Variants in NGDN observed in about 807,000 individuals in gnomAD.
NGDN encodes the protein neuroguidin.
NGDN carries 41 observed loss-of-function variants against 45.2 expected under a neutral mutation model. The ratio of observed to expected loss-of-function variants is 0.91; its 90% CI spans 0.71 to 1.18. The LOEUF (loss-of-function observed/expected upper bound fraction) is 1.18. Ranked by LOEUF, NGDN falls within the 50% of genes most tolerant of loss-of-function variation. The probability of loss-of-function intolerance (pLI) is 0.00; values close to 1 mark genes in which losing one functional copy is unlikely to be tolerated. For missense variants in NGDN, 402 were observed against 399.9 expected, an observed-to-expected ratio of 1.01 and a Z score of -0.05; for synonymous variants, 137 against 130.9, an observed-to-expected ratio of 1.05 and a Z score of -0.32.
At position 23,475,936 on chromosome 14, in the gene NGDN, A is replaced by T. The variant is rs1021749857; in HGVS notation, c.421-93A>T. Reference sequence around the variant, plus strand: ...GAGATTCCCTTTTTTCCCTTTTTATATTCCCACCACCCCAGGGTACTCCAG... The same window carrying T: ...GAGATTCCCTTTTTTCCCTTTTTATTTTCCCACCACCCCAGGGTACTCCAG... On this transcript the variant is annotated intron_variant, in intron 6 of 10. Coordinates refer to ENST00000408901, the MANE Select transcript of NGDN (RefSeq NM_001042635.2). 4.6e-6 allele frequency: 7 copies of T among 1,531,940 alleles called. No homozygotes were observed. In the Admixed American group the frequency reaches 7.4e-5, roughly 16 times the overall value. 94.9% of individuals were successfully genotyped at this position (1,531,940 alleles called of 1,614,324 possible). A position where few individuals can be genotyped will look rare whatever the true frequency, so the allele number is the denominator to read the frequency against.
At chr14:23,473,418 T>C (rs1893829166) in intron 3 of NGDN, among the ~76,000 whole-genome samples, 1 of 152,242 alleles carries the variant, frequency 6.6e-6, no homozygotes, top group Non-Finnish European at 1.5e-5. Context: ...ACTTATCTTT[T>C]TGACCAAAGA....
Position 23,475,232 on chromosome 14 carries a change from A to G in NGDN, c.206A>G (p.His69Arg). Residue 69 changes from histidine to arginine, a missense_variant, in exon 4 of 11, where the codon CAC becomes CGC. Coordinates refer to ENST00000408901, the MANE Select transcript of NGDN (RefSeq NM_001042635.2). ...CTCATGTACCTTATGGATTTGACCC[A>G]CCTCATTCTGGACAAAGCCTCAGGA... ...LLLMYLMDLT[H>R]LILDKASGGS... 6.2e-7 allele frequency: 1 copy of G among 1,614,114 alleles called. No homozygotes were observed. The highest frequency in any genetic ancestry group is 8.5e-7 in the Non-Finnish European group (1 of 1,179,962).
intron 3 of NGDN, among the ~76,000 whole-genome samples, chr14:23,474,363 T>TG (rs1893850444): frequency 6.6e-6 from 1 of 152,170 alleles, no homozygotes; most frequent in African/African-American, 2.4e-5. Context: ...AAGAAAAAAA[T>TG]GAAAAATCAG....
intron 6 of NGDN, 37 bp from the exon 7 acceptor site, chr14:23,475,992 A>G (rs943975045): frequency 2.5e-6 from 4 of 1,613,578 alleles, no homozygotes; most frequent in South Asian, 2.2e-5. Context: ...TATCTCATGA[A>G]TGCTTCCTAA....
chr14:23,478,668 TAGAG>T (rs902921779), downstream of NGDN: 1 of 150,600 alleles, frequency 6.6e-6, no homozygotes, highest in East Asian at 2.0e-4. Flanking sequence ...TAGAAAATAG[TAGAG>T]TGAGTAAGAA....
At position 23,476,142 on chromosome 14, in the gene NGDN, A is replaced by G. The variant is rs758146215; in HGVS notation, c.534A>G (p.Pro178=). 1.9e-6 allele frequency: 3 copies of G among 1,614,204 alleles called. No individual in the cohort carries two copies. The highest frequency in any genetic ancestry group is 1.3e-5 in the African/African-American group (1 of 75,064). ...SKKYVPPRLV[P]VHYDETEAER... The stretch of plus-strand genomic sequence containing the variant: ...AATATGTTCCTCCACGCTTGGTTCC[A>G]GTACATTATGGTATAAACTTTGGCT... The change falls in exon 7 of 11, where the codon CCA becomes CCG. Residue 178 remains proline (P), a synonymous_variant. Coordinates refer to ENST00000408901, the MANE Select transcript of NGDN (RefSeq NM_001042635.2).
intron 4 of NGDN, 53 bp downstream of exon 4, chr14:23,475,361 A>G (rs1595106879): frequency 6.4e-7 from 1 of 1,554,530 alleles, no homozygotes; most frequent in South Asian, 1.2e-5. Flanking sequence ...TTGAGCTCCA[A>G]GGGTATCACA....
chr14:23,477,351 G>A lies in NGDN; in HGVS notation c.865G>A (p.Asp289Asn), dbSNP rs754033883. 1 of 1,614,116 alleles carries A rather than the reference G, an allele frequency of 6.2e-7. No homozygotes were observed. Among genetic ancestry groups the A allele is most frequent in the South Asian group, 1.1e-5 (1 of 91,086 alleles). The change falls in exon 9 of 11, where the codon GAT becomes AAT. Residue 289 changes from aspartate (D) to asparagine (N), a missense_variant. Transcript: ENST00000408901. ...TTTGACAGGGGGAACTGTTCATCTT[G>A]ATGAGGTGAGGTTGAGATATGGTTG... Reference protein sequence around the residue: ...SALTGGTVHLDEDQNPIKKRK... With the variant: ...SALTGGTVHLNEDQNPIKKRK...
rs1893935560 is a variant in NGDN, at chr14:23,477,658, A to G, written c.928+98A>G. On this transcript the variant is annotated intron_variant, in intron 10 of 10. Transcript: ENST00000408901. ...CATTCTGGGTCTCACCAAGCCCTGT[A>G]GTATCTCTTCCATACTGGGCAATAA... The G allele has an allele frequency of 1.9e-6, 3 of 1,578,638 alleles. No individual in the cohort carries two copies. The East Asian group carries it at 6.9e-5, about 36-fold the overall frequency.
intron 6 of NGDN, 123 bp from the exon 7 acceptor site, chr14:23,475,906 A>T: frequency 6.8e-7 from 1 of 1,466,256 alleles, no homozygotes; most frequent in Non-Finnish European, 9.4e-7. Flanking sequence ...TAGAATGCTG[A>T]GTTTGAGATT....
Position 23,475,254 on chromosome 14 carries a change from A to G in NGDN, c.228A>G (p.Ser76=). The change falls in exon 4 of 11, where the codon TCA becomes TCG. Residue 76 remains serine (S), a synonymous_variant. Coordinates refer to ENST00000408901, the MANE Select transcript of NGDN (RefSeq NM_001042635.2). The stretch of plus-strand genomic sequence containing the variant: ...CCCACCTCATTCTGGACAAAGCCTC[A>G]GGAGGATCTCTTCAGGGACATGATG... ...DLTHLILDKA[S]GGSLQGHDAV... is the part of the protein sequence containing the mutation. 1 of 1,614,098 alleles carries G rather than the reference A, an allele frequency of 6.2e-7. No homozygotes were observed. The highest frequency in any genetic ancestry group is 8.5e-7 in the Non-Finnish European group (1 of 1,179,944).
Position 23,470,942 on chromosome 14 carries a change from CA to C in NGDN, c.114del (p.Val39PhefsTer17). The C allele has an allele frequency of 6.4e-7, 1 of 1,553,240 alleles. No individual in the cohort carries two copies. Among genetic ancestry groups the C allele is most frequent in the South Asian group, 1.2e-5 (1 of 80,946 alleles). Reference protein sequence around the residue: ...AVTAQVKSLTQKVQAGAYPTE... With the variant: ...AVTAQVKSLTXKVQAGAYPTE... ...AACTGCACAAGTGAAATCACTGACA[CA>C]AAAAGTTCAAGCTGGTGCCTATCCT... On this transcript the variant is annotated frameshift_variant, in exon 3 of 11. Transcript: ENST00000408901. LOFTEE classifies it high-confidence loss of function.
intron 10 of NGDN, 170 bp downstream of exon 10, chr14:23,477,730 A>G: frequency 6.8e-7 from 1 of 1,461,866 alleles, no homozygotes; most frequent in Non-Finnish European, 9.0e-7. Context: ...GCTGGAAATC[A>G]GCATCATTCA....
intron 10 of NGDN, 51 bp downstream of exon 10, chr14:23,477,611 A>C (rs1258824228): frequency 1.2e-6 from 2 of 1,610,362 alleles, no homozygotes; most frequent in Non-Finnish European, 1.7e-6. Flanking sequence ...GGGGAGTACA[A>C]ATTGAGTCTC....
chr14:23,478,102 C>T lies in NGDN; in HGVS notation c.*76C>T. Reference sequence around the variant, plus strand: ...TTTCATTGTATATAGGTGGTTTTCCCTGGAATTCATTAATTGTTTGCTTTG... The same window carrying T: ...TTTCATTGTATATAGGTGGTTTTCCTTGGAATTCATTAATTGTTTGCTTTG... On this transcript the variant is annotated 3_prime_UTR_variant, in exon 11 of 11. Coordinates refer to ENST00000408901, the MANE Select transcript of NGDN (RefSeq NM_001042635.2). 2.1e-6 allele frequency: 3 copies of T among 1,399,326 alleles called. No individual in the cohort carries two copies. Among genetic ancestry groups the T allele is most frequent in the Non-Finnish European group, 3.0e-6 (3 of 988,380 alleles). The allele number at this position is 1,399,326 out of a possible 1,614,324, so 86.7% of individuals were successfully genotyped here. A position where few individuals can be genotyped will look rare whatever the true frequency, so the allele number is the denominator to read the frequency against.
chr14:23,472,321 C>A (rs1227780052), intron 3 of NGDN, among the ~76,000 whole-genome samples: 1 of 151,250 alleles, frequency 6.6e-6, no homozygotes, highest in Non-Finnish European at 1.5e-5. Flanking sequence ...CATGGCAAAA[C>A]CCCATCTTTA....
At chr14:23,471,170 T>C in intron 3 of NGDN, 193 bp downstream of exon 3, 1 of 410,370 alleles carries the variant, frequency 2.4e-6, no homozygotes. Flanking sequence ...GCAGTCACAT[T>C]ACAGAGTTAT....
Position 23,477,451 on chromosome 14 carries a change from G to A in NGDN, c.871-52G>A, listed in dbSNP as rs878976077. On this transcript the variant is annotated intron_variant, in intron 9 of 10. Coordinates refer to ENST00000408901, the MANE Select transcript of NGDN (RefSeq NM_001042635.2). ...TACCATGAGGAACTTGGGAAGGGAT[G>A]CTGGCTCTCAGAACCACAGTGCCAT... is the stretch of plus-strand genomic sequence containing the variant. 5.0e-6 allele frequency: 8 copies of A among 1,612,124 alleles called. No homozygotes were observed. The South Asian group carries it at 5.5e-5, about 11-fold the overall frequency.
At position 23,475,240 on chromosome 14, in the gene NGDN, C is replaced by T; in HGVS notation, c.214C>T (p.Leu72=). Residue 72 remains leucine, a synonymous_variant, in exon 4 of 11, where the codon CTG becomes TTG. Coordinates refer to ENST00000408901, the MANE Select transcript of NGDN (RefSeq NM_001042635.2). ...MYLMDLTHLI[L]DKASGGSLQG... ...CCTTATGGATTTGACCCACCTCATTCTGGACAAAGCCTCAGGAGGATCTCT... is the reference window on the plus strand; with the variant it reads ...CCTTATGGATTTGACCCACCTCATTTTGGACAAAGCCTCAGGAGGATCTCT... The T allele has an allele frequency of 6.2e-7, 1 of 1,614,070 alleles. No individual in the cohort carries two copies. The highest frequency in any genetic ancestry group is 8.5e-7 in the Non-Finnish European group (1 of 1,179,922).
Sources: allele counts gnomAD v4.1 joint callset (sites outside exome capture counted in the v4.1 genomes callset), GRCh38; gene constraint gnomAD v4.1.1; transcripts MANE v1.5; gene names NCBI Gene and HGNC (gene_info 2026-07-23, HGNC 2026-07-21).